The following SENP7 variants were observed in gnomAD, a reference collection of about 807,000 sequenced individuals.
SENP7 encodes SUMO specific peptidase 7.
In SENP7, 64 loss-of-function variants were observed where a neutral mutation model predicts 141.2. That is an observed-to-expected ratio of 0.45 (90% CI 0.37 to 0.56). The LOEUF (loss-of-function observed/expected upper bound fraction) is 0.56, where lower values mean the gene tolerates loss of function less well. Among genes scored for constraint, SENP7 ranks in the 20% least tolerant of loss-of-function variants. The pLI, the probability that SENP7 is intolerant of heterozygous loss-of-function variation, is 0.00. For missense variants in SENP7, 1,025 were observed against 1,212.2 expected (o/e 0.85, Z 2.29); for synonymous variants, 382 against 426.4 (o/e 0.90, Z 1.28).
At chr3:101,363,581 A>T (rs1203555032) in intron 10 of SENP7, among the ~76,000 whole-genome samples, 2 of 152,196 alleles carry the variant, frequency 1.3e-5, no homozygotes, top group Non-Finnish European at 2.9e-5. Flanking sequence ...ATTCTTCTAC[A>T]AGTTTAAATT....
chr3:101,362,710 C>T (rs900834661), intron 10 of SENP7, among the ~76,000 whole-genome samples: 6 of 152,114 alleles, frequency 3.9e-5, no homozygotes, highest in Admixed American at 6.6e-5. Context: ...AATGTAAGTA[C>T]CTAAGAACCA....
At chr3:101,357,970 C>A in intron 11 of SENP7, 2 of 647,408 alleles carry the variant, frequency 3.1e-6, no homozygotes, top group South Asian at 1.7e-5. Flanking sequence ...ACCCCTCACC[C>A]CTTTTTTCAC....
intron 7 of SENP7, among the ~76,000 whole-genome samples, chr3:101,371,041 G>A (rs772189844): frequency 3.9e-5 from 6 of 152,156 alleles, no homozygotes; most frequent in Non-Finnish European, 7.3e-5. Context: ...TATAATCCCA[G>A]CATTTTGGGA....
intron 1 of SENP7, among the ~76,000 whole-genome samples, 176 bp downstream of exon 1, chr3:101,512,915 T>C (rs1034614955): frequency 5.3e-5 from 8 of 151,608 alleles, no homozygotes; most frequent in African/African-American, 1.9e-4. Flanking sequence ...TCGGACCGGG[T>C]CTTCGACTCC....
At chr3:101,468,997 T>C (rs2063870482) in intron 3 of SENP7, among the ~76,000 whole-genome samples, 1 of 151,544 alleles carries the variant, frequency 6.6e-6, no homozygotes, top group African/African-American at 2.4e-5. Flanking sequence ...GCACTTAGGC[T>C]CAAAATAAAG....
chr3:101,361,678 A>C, intron 11 of SENP7, 37 bp downstream of exon 11: 1 of 1,498,722 alleles, frequency 6.7e-7, no homozygotes, highest in Non-Finnish European at 8.8e-7. Context: ...CTTGTCCAAG[A>C]TCCAAACTAA....
intron 16 of SENP7, 43 bp downstream of exon 16, chr3:101,340,052 T>TA (rs1381731982): frequency 3.4e-6 from 5 of 1,491,566 alleles, no homozygotes; most frequent in Non-Finnish European, 4.5e-6. Flanking sequence ...AGTTTCTCAG[T>TA]AAAATCTGTA....
chr3:101,450,848 A>T (rs993580949), intron 4 of SENP7, among the ~76,000 whole-genome samples: 3 of 152,220 alleles, frequency 2.0e-5, no homozygotes, highest in Non-Finnish European at 4.4e-5. Flanking sequence ...GCAGAAGGCA[A>T]GAAATAACTA....
chr3:101,386,217 A>G (rs1358739053), intron 6 of SENP7, among the ~76,000 whole-genome samples: 1 of 152,186 alleles, frequency 6.6e-6, no homozygotes, highest in East Asian at 1.9e-4. Context: ...GCACAGAAAA[A>G]GGGAAATGAA....
chr3:101,405,857 A>G (rs756382872), intron 5 of SENP7, among the ~76,000 whole-genome samples: 2 of 152,200 alleles, frequency 1.3e-5, no homozygotes, highest in Non-Finnish European at 2.9e-5. Flanking sequence ...AGGTCTTCAA[A>G]TTAACCCAAT....
Position 101,328,514 on chromosome 3 carries a change from G to C in SENP7, c.2828C>G (p.Ala943Gly). The C allele has an allele frequency of 6.2e-7, 1 of 1,612,612 alleles. No individual in the cohort carries two copies. The highest frequency in any genetic ancestry group is 8.5e-7 in the Non-Finnish European group (1 of 1,179,116). ...PCILILDSLKAASVQNTVQNL... is the reference protein window; with the variant it reads ...PCILILDSLKGASVQNTVQNL... ...CTGAACTGTGTTTTGTACAGAAGCA[G>C]CTTTCAAGGAGTCTAGTATAAGAAT... The change falls in exon 22 of 24, where the codon GCT becomes GGT. Residue 943 changes from alanine to glycine, a missense_variant. Ala to Gly is a moderately conservative substitution (Grantham distance 60). This residue lies in a region of SENP7 where 295 missense variants were observed against 459.1 expected (regional missense o/e 0.64). Coordinates refer to ENST00000394095, the MANE Select transcript of SENP7 (RefSeq NM_020654.5).
At chr3:101,380,436 C>CT (rs1559744943) in intron 6 of SENP7, among the ~76,000 whole-genome samples, 4 of 10,520 alleles carry the variant, frequency 3.8e-4, no homozygotes, top group African/African-American at 9.0e-4. Context: ...CAAACCACCG[C>CT]CCCCCCCCCC....
intron 6 of SENP7, 22 bp from the exon 7 acceptor site, chr3:101,372,148 T>C (rs1576129057): frequency 2.4e-6 from 3 of 1,271,450 alleles, no homozygotes; most frequent in East Asian, 4.9e-5. Context: ...AACTGTATTA[T>C]ACTCAATTCT....
At chr3:101,351,577 CTA>C (rs1262515209) in intron 12 of SENP7, 39 bp downstream of exon 12, 2 of 1,294,068 alleles carry the variant, frequency 1.5e-6, no homozygotes, top group South Asian at 3.7e-5. Context: ...ATACTAAAAA[CTA>C]TAGTAAAAAG....
intron 3 of SENP7, among the ~76,000 whole-genome samples, chr3:101,479,061 A>G (rs1349032255): frequency 6.6e-6 from 1 of 152,222 alleles, no homozygotes; most frequent in Non-Finnish European, 1.5e-5. Flanking sequence ...TCAGCAGGAT[A>G]AAGGTCATAT....
chr3:101,500,334 T>A (rs1459177842), intron 2 of SENP7, among the ~76,000 whole-genome samples: 2 of 152,138 alleles, frequency 1.3e-5, no homozygotes, highest in East Asian at 3.9e-4. Context: ...GCAGGAGGAT[T>A]GCTTGAGGCC....
intron 11 of SENP7, chr3:101,358,483 A>T (rs1208555471): frequency 6.0e-6 from 2 of 334,282 alleles, no homozygotes; most frequent in Non-Finnish European, 6.0e-6. Flanking sequence ...TAAATATGAG[A>T]ATTTATATGG....
chr3:101,332,663 C>G (rs2059087646), intron 18 of SENP7, 107 bp downstream of exon 18: 2 of 591,622 alleles, frequency 3.4e-6, no homozygotes, highest in African/African-American at 1.9e-5. Flanking sequence ...AAAATAATAC[C>G]TGAGATGTAT....
intron 5 of SENP7, among the ~76,000 whole-genome samples, chr3:101,408,992 T>C (rs2061381424): frequency 6.6e-6 from 1 of 152,056 alleles, no homozygotes. Context: ...TGTCAAGCTG[T>C]CCCTATTTGC....
Sources: allele counts gnomAD v4.1 joint callset (sites outside exome capture counted in the v4.1 genomes callset), GRCh38; gene constraint gnomAD v4.1.1; regional missense constraint gnomAD v4.1.1; transcripts MANE v1.5; gene names NCBI Gene and HGNC (gene_info 2026-07-23, HGNC 2026-07-21).